PTGFR: variants seen among roughly 807,000 people sequenced by gnomAD.
The protein encoded by PTGFR is prostaglandin F receptor, also known as prostaglandin F2-alpha receptor.
In PTGFR, 15 loss-of-function variants were observed where a neutral mutation model predicts 26.2. That is an observed-to-expected ratio of 0.57 (90% CI 0.38 to 0.88). PTGFR has a LOEUF of 0.88. Among genes scored for constraint, PTGFR ranks in the 40% least tolerant of loss-of-function variants. The probability of loss-of-function intolerance (pLI) is 0.00; values close to 1 mark genes in which losing one functional copy is unlikely to be tolerated. For missense variants in PTGFR, 369 were observed against 427.2 expected (o/e 0.86, Z 1.20); for synonymous variants, 165 against 151.1 (o/e 1.09, Z -0.68).
chr1:78,519,772 T>G (rs1557655307), intron 2 of PTGFR, among the ~76,000 whole-genome samples: 1 of 152,092 alleles, frequency 6.6e-6, no homozygotes, highest in Non-Finnish European at 1.5e-5. Context: ...GCCAAGCAAC[T>G]AAAAGAGTTC....
At chr1:78,525,871 CCAGT>C (rs1400255616) in intron 2 of PTGFR, among the ~76,000 whole-genome samples, 1 of 152,072 alleles carries the variant, frequency 6.6e-6, no homozygotes, top group Non-Finnish European at 1.5e-5. Flanking sequence ...GGGACAATGA[CCAGT>C]CAAACTCTTT....
chr1:78,510,190 T>C (rs1221891069), intron 2 of PTGFR, among the ~76,000 whole-genome samples: 2 of 152,132 alleles, frequency 1.3e-5, no homozygotes, highest in South Asian at 2.1e-4. Context: ...ACAACTCTCT[T>C]AAAATACTAA....
chr1:78,491,113 G>C lies in PTGFR; in HGVS notation c.-196G>C, dbSNP rs1649381926. 1 of 152,292 alleles carries C rather than the reference G, an allele frequency of 6.6e-6. No homozygotes were observed. Among genetic ancestry groups the C allele is most frequent in the Non-Finnish European group, 1.5e-5 (1 of 68,088 alleles). The allele number at this position is 152,292 out of a possible 1,614,324, so 9.4% of individuals were successfully genotyped here. ...AGCGGCTGGACCACAGCCGGCGCCC[G>C]ATCAGGATCTCCGCGCTGGGATCGG... On this transcript the variant is annotated 5_prime_UTR_variant, in exon 1 of 3. Coordinates refer to ENST00000370757, the MANE Select transcript of PTGFR (RefSeq NM_000959.4).
rs1650679518 is a variant in PTGFR at position 78,537,221 on chromosome 1, A to G, written c.*534A>G. Reference sequence around the variant, plus strand: ...GATGGTTTGTTATAACAACCTCTGCATATTCCAGGTCTGGCAGACAGGTTG... The same window carrying G: ...GATGGTTTGTTATAACAACCTCTGCGTATTCCAGGTCTGGCAGACAGGTTG... On this transcript the variant is annotated 3_prime_UTR_variant, in exon 3 of 3. Transcript: ENST00000370757. The G allele has an allele frequency of 1.3e-5, 2 of 152,400 alleles. No homozygotes were observed. The highest frequency in any genetic ancestry group is 2.9e-5 in the Non-Finnish European group (2 of 68,264). 9.4% of individuals were successfully genotyped at this position (152,400 alleles called of 1,614,324 possible).
At chr1:78,498,035 A>C (rs1376699848) in intron 2 of PTGFR, 1 of 941,554 alleles carries the variant, frequency 1.1e-6, no homozygotes, top group Non-Finnish European at 1.6e-6. Context: ...TTTCTAGTCA[A>C]CATAGTTAAA....
chr1:78,493,227 T>C lies in PTGFR; in HGVS notation c.484T>C (p.Phe162Leu), dbSNP rs770979500. Residue 162 changes from phenylalanine to leucine, a missense_variant, in exon 2 of 3, where the codon TTT becomes CTT. Coordinates refer to ENST00000370757, the MANE Select transcript of PTGFR (RefSeq NM_000959.4). ...VKMMLSGVCL[F>L]AVFIALLPIL... ...AATGATGTTAAGTGGTGTGTGCTTG[T>C]TTGCTGTTTTCATAGCTTTGCTGCC... The C allele has an allele frequency of 2.5e-6, 4 of 1,614,098 alleles. No homozygotes were observed. The highest frequency in any genetic ancestry group is 3.4e-6 in the Non-Finnish European group (4 of 1,180,040).
At chr1:78,513,915 C>T (rs1477630324) in intron 2 of PTGFR, among the ~76,000 whole-genome samples, 1 of 152,238 alleles carries the variant, frequency 6.6e-6, no homozygotes, top group Non-Finnish European at 1.5e-5. Flanking sequence ...TTAGCATCTT[C>T]CGTATGGTGT....
chr1:78,502,985 A>G (rs761642023), intron 2 of PTGFR, among the ~76,000 whole-genome samples: 2 of 152,158 alleles, frequency 1.3e-5, no homozygotes, highest in Non-Finnish European at 2.9e-5. Flanking sequence ...AAAGGAAAAA[A>G]TTTCTCTGGG....
In PTGFR at chr1:78,493,131, G is replaced by A. The variant is rs747135810; in HGVS notation, c.388G>A (p.Ala130Thr). 1 of 1,614,200 alleles carries A rather than the reference G, an allele frequency of 6.2e-7. No homozygotes were observed. The highest frequency in any genetic ancestry group is 8.5e-7 in the Non-Finnish European group (1 of 1,180,038). Reference sequence around the variant, plus strand: ...CCCACTTCTTCTAGGCAGTGTGATGGCCATTGAGCGGTGTATTGGAGTCAC... The same window carrying A: ...CCCACTTCTTCTAGGCAGTGTGATGACCATTGAGCGGTGTATTGGAGTCAC... ...LCPLLLGSVMAIERCIGVTKP... is the reference protein window; with the variant it reads ...LCPLLLGSVMTIERCIGVTKP... The change falls in exon 2 of 3, where the codon GCC becomes ACC. Residue 130 changes from alanine (A) to threonine (T), a missense_variant. By Grantham distance (58) the Ala-to-Thr change is moderately conservative (BLOSUM62 0). Coordinates refer to ENST00000370757, the MANE Select transcript of PTGFR (RefSeq NM_000959.4).
At chr1:78,516,481 CTG>C (rs1247349430) in intron 2 of PTGFR, among the ~76,000 whole-genome samples, 7 of 152,156 alleles carry the variant, frequency 4.6e-5, no homozygotes, top group Non-Finnish European at 7.3e-5. Context: ...TTTTTGTACT[CTG>C]TTGTTATGCT....
chr1:78,509,277 A>G (rs973820453), intron 2 of PTGFR, among the ~76,000 whole-genome samples: 1 of 152,204 alleles, frequency 6.6e-6, no homozygotes, highest in African/African-American at 2.4e-5. Context: ...AATGGTGGTC[A>G]TCAACGCCTG....
At position 78,493,336 on chromosome 1, in the gene PTGFR, A is replaced by T. The variant is rs940551658; in HGVS notation, c.593A>T (p.Asp198Val). ...YNTEDIKDWE[D>V]RFYLLLFSFL... ...ACAGAAGACATCAAAGACTGGGAAG[A>T]TAGATTTTATCTTCTACTTTTTTCT... The change falls in exon 2 of 3, where the codon GAT (aspartate) becomes GTT (valine). Residue 198 changes from aspartate to valine, a missense_variant. Physicochemically the swap from Asp to Val is radical, Grantham distance 152 (BLOSUM62 -3). Transcript: ENST00000370757. 2.5e-6 allele frequency: 4 copies of T among 1,614,044 alleles called. No homozygotes were observed. The African/African-American group carries it at 5.3e-5, about 22-fold the overall frequency.
At chr1:78,522,507 T>C (rs1650271747) in intron 2 of PTGFR, among the ~76,000 whole-genome samples, 2 of 152,204 alleles carry the variant, frequency 1.3e-5, no homozygotes, top group South Asian at 4.1e-4. Context: ...TATATTTTTG[T>C]TCATATTCTT....
At chr1:78,532,143 A>G (rs1650523017) in intron 2 of PTGFR, 2 of 367,126 alleles carry the variant, frequency 5.4e-6, no homozygotes, top group Non-Finnish European at 1.1e-5. Context: ...ACAAAATGCA[A>G]TAAGAAAAAC....
chr1:78,518,572 ACACACAC>A, intron 2 of PTGFR, among the ~76,000 whole-genome samples: 1 of 498 alleles, frequency 2.0e-3, no homozygotes, highest in Non-Finnish European at 4.4e-3. Flanking sequence ...TAAAAGACAC[ACACACAC>A]ACACACACAC....
intron 2 of PTGFR, among the ~76,000 whole-genome samples, chr1:78,506,001 T>C (rs1314535694): frequency 6.6e-6 from 1 of 152,232 alleles, no homozygotes; most frequent in African/African-American, 2.4e-5. Context: ...ACTATGAACA[T>C]TTGTGTACAA....
chr1:78,513,355 G>A (rs1157440577), intron 2 of PTGFR, among the ~76,000 whole-genome samples: 1 of 152,232 alleles, frequency 6.6e-6, no homozygotes, highest in African/African-American at 2.4e-5. Flanking sequence ...GGGAGCTGGT[G>A]TGAAAGTCAT....
chr1:78,536,537 T>C lies in PTGFR; in HGVS notation c.930T>C (p.Ala310=), dbSNP rs1371607251. The change falls in exon 3 of 3, where the codon GCT becomes GCC. Residue 310 remains alanine, a synonymous_variant. Transcript: ENST00000370757. ...DPWVYILLRK[A]VLKNLYKLAS... ...GGGTATATATTCTTCTACGAAAGGC[T>C]GTCCTTAAGAATCTCTATAAGCTTG... 2.5e-6 allele frequency: 4 copies of C among 1,613,454 alleles called. No homozygotes were observed. The Admixed American group carries it at 6.7e-5, about 27-fold the overall frequency.
At chr1:78,498,739 TTCTATAG>T (rs1649624001) in intron 2 of PTGFR, among the ~76,000 whole-genome samples, 1 of 152,162 alleles carries the variant, frequency 6.6e-6, no homozygotes, top group African/African-American at 2.4e-5. Context: ...AAATGGACTG[TTCTATAG>T]TCTTATATTA....
Sources: allele counts gnomAD v4.1 joint callset (sites outside exome capture counted in the v4.1 genomes callset), GRCh38; gene constraint gnomAD v4.1.1; transcripts MANE v1.5; gene names NCBI Gene and HGNC (gene_info 2026-07-23, HGNC 2026-07-21).